The following PHF14 variants were observed in gnomAD, a reference collection of about 807,000 sequenced individuals.
PHF14 encodes PHD finger protein 14.
In PHF14, 55 loss-of-function variants were observed where a neutral mutation model predicts 117.9. The observed-to-expected ratio is 0.47, with a 90% CI of 0.38 to 0.58. The LOEUF is 0.58. Ranked by LOEUF, PHF14 falls within the 20% of genes least tolerant of loss-of-function variation. The probability of loss-of-function intolerance (pLI) is 0.00; values close to 1 mark genes in which losing one functional copy is unlikely to be tolerated. For missense variants in PHF14, 978 were observed against 1,122.2 expected, an observed-to-expected ratio of 0.87 and a Z score of 1.84; for synonymous variants, 409 against 368.6, an observed-to-expected ratio of 1.11 and a Z score of -1.26.
At chr7:11,007,809 C>G (rs1013690456) in intron 4 of PHF14, among the ~76,000 whole-genome samples, 1 of 151,966 alleles carries the variant, frequency 6.6e-6, no homozygotes, top group Non-Finnish European at 1.5e-5. Context: ...TATGCTTATT[C>G]TCAAGTAATT....
At chr7:11,141,692 G>A (rs549255531) in intron 17 of PHF14, among the ~76,000 whole-genome samples, 3 of 152,074 alleles carry the variant, frequency 2.0e-5, no homozygotes, top group Admixed American at 2.0e-4. Context: ...ATTATTAATA[G>A]TTTCGTGTTG....
intron 4 of PHF14, among the ~76,000 whole-genome samples, chr7:11,001,891 C>T (rs1782888681): frequency 1.3e-5 from 2 of 152,120 alleles, no homozygotes; most frequent in South Asian, 2.1e-4. Context: ...ATGTTGAAAG[C>T]AGTACTGACA....
intron 17 of PHF14, among the ~76,000 whole-genome samples, chr7:11,142,499 A>G (rs1788428458): frequency 6.6e-6 from 1 of 152,098 alleles, no homozygotes; most frequent in Non-Finnish European, 1.5e-5. Flanking sequence ...TATCATGTAG[A>G]AAACTATCTA....
chr7:11,147,682 C>G (rs2128352975), intron 17 of PHF14, among the ~76,000 whole-genome samples: 1 of 152,276 alleles, frequency 6.6e-6, no homozygotes, highest in East Asian at 1.9e-4. Context: ...TCTCAGTCTT[C>G]TTAACTGAAT....
At position 10,982,456 on chromosome 7, in the gene PHF14, TAGA is replaced by T. The variant is rs767957705; in HGVS notation, c.205_207del (p.Glu69del). The T allele has an allele frequency of 7.0e-5, 111 of 1,591,296 alleles. No homozygotes were observed. The highest frequency in any genetic ancestry group is 9.2e-5 in the Non-Finnish European group (107 of 1,164,720). On this transcript the variant is annotated inframe_deletion, in exon 3 of 18. Coordinates refer to ENST00000634607, the MANE Select transcript of PHF14 (RefSeq NM_001007157.2). ...TGTAGTGATTCTGAAGAAAATATTTTAGAAGAAGAACTGAATGAAGATATTAAA... is the reference window on the plus strand; with the variant it reads ...TGTAGTGATTCTGAAGAAAATATTTTAGAAGAACTGAATGAAGATATTAAA...
In PHF14 at chr7:11,112,306, G is replaced by C. The variant is rs1040880945; in HGVS notation, c.2772+839G>C. 8.0e-4 allele frequency among the ~76,000 whole-genome samples: 121 copies of C among 152,162 alleles called. 2 individuals are homozygous for C. Among genetic ancestry groups the C allele is most frequent in the African/African-American group, 4.3e-4 (18 of 41,540 alleles). ...TACTTAAATGATTTTTTTGGTCCTAGAGTGAATTAAAATTGATCATGTAAT... is the reference window on the plus strand; with the variant it reads ...TACTTAAATGATTTTTTTGGTCCTACAGTGAATTAAAATTGATCATGTAAT... On this transcript the variant is annotated intron_variant, in intron 17 of 17. Coordinates refer to ENST00000634607, the MANE Select transcript of PHF14 (RefSeq NM_001007157.2).
chr7:10,989,057 C>G (rs1203638963), intron 3 of PHF14, among the ~76,000 whole-genome samples: 4 of 152,114 alleles, frequency 2.6e-5, no homozygotes, highest in Admixed American at 6.5e-5. Flanking sequence ...AGCCATTTGT[C>G]AGCCCCAGAC....
At chr7:11,112,891 T>C (rs1020133410) in intron 17 of PHF14, among the ~76,000 whole-genome samples, 2 of 152,132 alleles carry the variant, frequency 1.3e-5, no homozygotes, top group Non-Finnish European at 2.9e-5. Flanking sequence ...GCAAGAATTA[T>C]TTTCCAGGCA....
chr7:11,075,577 T>A (rs1206855418), intron 16 of PHF14, among the ~76,000 whole-genome samples: 1 of 148,258 alleles, frequency 6.7e-6, no homozygotes, highest in Non-Finnish European at 1.5e-5. Context: ...TTTTTTTTTT[T>A]TTTTTTTTTT....
At chr7:11,104,887 C>T (rs1787208506) in intron 16 of PHF14, 1 of 975,190 alleles carries the variant, frequency 1.0e-6, no homozygotes, top group Non-Finnish European at 1.2e-6. Flanking sequence ...TTTTTTAAAA[C>T]ATCGTTGTGT....
intron 4 of PHF14, among the ~76,000 whole-genome samples, chr7:11,006,113 C>T (rs143992271): frequency 6.6e-6 from 1 of 152,128 alleles, no homozygotes; most frequent in African/African-American, 2.4e-5. Flanking sequence ...ATTTAAACTT[C>T]TAAAAACCAT....
chr7:11,004,679 A>AT (rs879301715), intron 4 of PHF14, among the ~76,000 whole-genome samples: 5,972 of 142,880 alleles, frequency 0.042, 305 homozygotes, highest in African/African-American at 0.12. Flanking sequence ...TTCAGTTTAA[A>AT]TTTTTTTTTT....
chr7:11,056,432 G>T (rs1002427634), intron 14 of PHF14, among the ~76,000 whole-genome samples: 1 of 151,900 alleles, frequency 6.6e-6, no homozygotes, highest in Non-Finnish European at 1.5e-5. Flanking sequence ...AAGACAAATT[G>T]GTTATGATTT....
chr7:11,048,477 C>T (rs1055412835), intron 13 of PHF14, among the ~76,000 whole-genome samples: 6 of 152,212 alleles, frequency 3.9e-5, no homozygotes, highest in African/African-American at 1.4e-4. Flanking sequence ...GAGGCTGAGG[C>T]AGAGAATTGC....
Position 11,039,229 on chromosome 7 carries a change from T to C in PHF14, c.2076+374T>C, listed in dbSNP as rs1282492856. On this transcript the variant is annotated intron_variant, in intron 11 of 17. Coordinates refer to ENST00000634607, the MANE Select transcript of PHF14 (RefSeq NM_001007157.2). ...CACATTTTTTTCTTTCCTGTCCTTA[T>C]GCTGTATTTTTTTTTCTATTCTTTG... is the stretch of plus-strand genomic sequence containing the variant. 3.9e-5 allele frequency among the ~76,000 whole-genome samples: 6 copies of C among 152,246 alleles called. No homozygotes were observed. In the South Asian group the frequency reaches 1.2e-3, roughly 32 times the overall value.
At position 11,147,765 on chromosome 7, in the gene PHF14, T is replaced by G. The variant is rs1045430052; in HGVS notation, c.2773-21651T>G. 4.1e-4 allele frequency among the ~76,000 whole-genome samples: 62 copies of G among 152,172 alleles called. 2 individuals carry two copies. Among genetic ancestry groups the G allele is most frequent in the Non-Finnish European group, 2.5e-4 (17 of 68,032 alleles). ...CCTTCTCTATTTGTATGTCCCTGAG[T>G]GATTGCATGCAGTTGTACCTGTATT... On this transcript the variant is annotated intron_variant, in intron 17 of 17. Transcript: ENST00000634607.
chr7:11,085,314 T>C lies in PHF14; in HGVS notation c.2654+23229T>C, dbSNP rs376735580. ...TTGCTTTACCAGAATGTCATATTCT[T>C]CTGTTGATTTAAAACAATTTATTAG... is the stretch of plus-strand genomic sequence containing the variant. On this transcript the variant is annotated intron_variant, in intron 16 of 17. Transcript: ENST00000634607. Among the ~76,000 whole-genome samples the C allele has an allele frequency of 2.7e-4, 41 of 152,334 alleles. 1 individual carries two copies. The South Asian group carries it at 8.5e-3, about 32-fold the overall frequency.
At chr7:11,035,839 AT>A in intron 8 of PHF14, 53 bp downstream of exon 8, 1 of 1,414,016 alleles carries the variant, frequency 7.1e-7, no homozygotes, top group Non-Finnish European at 9.7e-7. Context: ...TTATGTAAGG[AT>A]TTTACGTCTC....
intron 2 of PHF14, among the ~76,000 whole-genome samples, chr7:10,976,908 G>T (rs1781887572): frequency 6.7e-6 from 1 of 149,748 alleles, no homozygotes; most frequent in African/African-American, 2.5e-5. Context: ...TGTGGTCTCA[G>T]GTCACAAATT....
Sources: gnomAD v4.1 joint callset for allele counts (sites outside exome capture counted in the v4.1 genomes callset) on GRCh38, gnomAD v4.1.1 for gene constraint, MANE v1.5 for transcripts, NCBI Gene and HGNC (gene_info 2026-07-23, HGNC 2026-07-21) for gene names.